SMARCC2: variants seen among roughly 807,000 people sequenced by gnomAD.
SMARCC2 encodes SWI/SNF related BAF chromatin remodeling complex subunit C2, also known as SWI/SNF complex subunit SMARCC2.
SMARCC2 carries 15 observed loss-of-function variants against 151.3 expected under a neutral mutation model. The observed-to-expected ratio is 0.10, with a 90% CI of 0.07 to 0.15. The LOEUF (loss-of-function observed/expected upper bound fraction) is 0.15. SMARCC2 is among the 10% of genes least tolerant of loss of function. The probability of loss-of-function intolerance (pLI) is 1.00; values close to 1 mark genes in which losing one functional copy is unlikely to be tolerated. For synonymous variants in SMARCC2, 590 were observed against 609.5 expected, an observed-to-expected ratio of 0.97 and a Z score of 0.47; for missense variants, 1,031 against 1,599.7, an observed-to-expected ratio of 0.64 and a Z score of 6.06.
Position 56,178,520 on chromosome 12 carries a change from G to A in SMARCC2, c.1194C>T (p.Asn398=), listed in dbSNP as rs774833215. The change falls in exon 14 of 29, where the codon AAC becomes AAT. Residue 398 remains asparagine, a synonymous_variant. Transcript: ENST00000550164. The stretch of plus-strand genomic sequence containing the variant: ...TCTGCTCTCCCTTGTTCCCCGTACT[G>A]TTCTCATCCTCATCCTACGAGTATG... The part of the protein sequence containing the change: ...METTGKDEDE[N]STGNKGEQTK... 1 of 1,614,196 alleles carries A rather than the reference G, an allele frequency of 6.2e-7. No individual in the cohort carries two copies. The highest frequency in any genetic ancestry group is 8.5e-7 in the Non-Finnish European group (1 of 1,180,028).
chr12:56,170,475 G>A (rs961377176), intron 22 of SMARCC2, among the ~76,000 whole-genome samples: 12 of 152,030 alleles, frequency 7.9e-5, no homozygotes, highest in African/African-American at 2.9e-4. Context: ...GCCCAGGCTG[G>A]AGTGCAGTAG....
intron 3 of SMARCC2, 156 bp downstream of exon 3, chr12:56,185,999 G>A: frequency 1.6e-6 from 1 of 636,776 alleles, no homozygotes; most frequent in Non-Finnish European, 2.8e-6. Context: ...TTTTGGCTCT[G>A]ACTCCCAACC....
intron 20 of SMARCC2, 173 bp from the exon 21 acceptor site, chr12:56,172,110 T>A: frequency 1.6e-6 from 1 of 608,426 alleles, no homozygotes; most frequent in Non-Finnish European, 2.8e-6. Flanking sequence ...GATATGAAGT[T>A]AATGAAATGG....
chr12:56,173,571 C>T, intron 17 of SMARCC2, 125 bp downstream of exon 17: 1 of 840,124 alleles, frequency 1.2e-6, no homozygotes. Flanking sequence ...TGACCCTTTG[C>T]ATCCCATGGA....
rs1213401608 is a variant in SMARCC2 at position 56,170,135 on chromosome 12, C to T, written c.2412+9G>A. On this transcript the variant is annotated intron_variant, in intron 23 of 28. Coordinates refer to ENST00000550164, the MANE Select transcript of SMARCC2 (RefSeq NM_001330288.2). ...GCAGCCCCTGCAGCTTCCAGAAATC[C>T]CTCTATACCTTGGGCTCCTTCTTCT... 6.2e-7 allele frequency: 1 copy of T among 1,611,718 alleles called. No homozygotes were observed. The highest frequency in any genetic ancestry group is 2.2e-5 in the East Asian group (1 of 44,872).
At chr12:56,170,252 A>C in intron 22 of SMARCC2, 44 bp from the exon 23 acceptor site, 1 of 1,525,760 alleles carries the variant, frequency 6.6e-7, no homozygotes, top group Non-Finnish European at 9.0e-7. Context: ...TGTTTAATAC[A>C]CAGTCGTCTG....
Position 56,173,785 on chromosome 12 carries a change from T to C in SMARCC2, c.1561A>G (p.Thr521Ala), listed in dbSNP as rs755367877. 5 of 1,613,546 alleles carry C rather than the reference T, an allele frequency of 3.1e-6. No individual in the cohort carries two copies. Among genetic ancestry groups the C allele is most frequent in the Non-Finnish European group, 4.2e-6 (5 of 1,179,878 alleles). The part of the protein sequence containing the change: ...NYQVDAESRP[T>A]PMGPPPTSHF... Reference sequence around the variant, plus strand: ...GAGGTAGGCGGAGGCCCCATTGGGGTTGGTCGACTCTCAGCATCCACCTGG... The same window carrying C: ...GAGGTAGGCGGAGGCCCCATTGGGGCTGGTCGACTCTCAGCATCCACCTGG... The change falls in exon 17 of 29, where the codon ACC (threonine) becomes GCC (alanine). Residue 521 changes from threonine (T) to alanine (A), a missense_variant. By Grantham distance (58) the Thr-to-Ala change is moderately conservative (BLOSUM62 0). Coordinates refer to ENST00000550164, the MANE Select transcript of SMARCC2 (RefSeq NM_001330288.2).
intron 7 of SMARCC2, among the ~76,000 whole-genome samples, chr12:56,182,416 C>T (rs1876405968): frequency 6.6e-6 from 1 of 151,724 alleles, no homozygotes; most frequent in Admixed American, 6.6e-5. Flanking sequence ...CCTCCGCCTC[C>T]CGGGTTCAAG....
chr12:56,165,295 A>G (rs758054188), intron 27 of SMARCC2, 23 bp downstream of exon 27: 49 of 1,469,388 alleles, frequency 3.3e-5, no homozygotes, highest in Non-Finnish European at 4.2e-5. Flanking sequence ...TAGCCAACAA[A>G]AGTTCTGGAA....
chr12:56,189,281 C>T (rs1877914328), intron 1 of SMARCC2, 70 bp downstream of exon 1: 1 of 977,370 alleles, frequency 1.0e-6, no homozygotes, highest in Non-Finnish European at 1.4e-6. Flanking sequence ...AGGCAGGATC[C>T]CGGGGCTGCA....
In SMARCC2 at chr12:56,171,531, C is replaced by A; in HGVS notation, c.2186-99G>T. The stretch of plus-strand genomic sequence containing the variant: ...TCACAAGCCCATGTCTTCATCTAAG[C>A]TAGTATGGAGCCTAGACAGGTGCCT... On this transcript the variant is annotated intron_variant, in intron 21 of 28. Coordinates refer to ENST00000550164, the MANE Select transcript of SMARCC2 (RefSeq NM_001330288.2). This position sits in a 1 kb window ranked among gnomAD's most constrained non-coding sequence, Gnocchi z 4.2. 1.3e-6 allele frequency: 2 copies of A among 1,549,472 alleles called. No individual in the cohort carries two copies. The highest frequency in any genetic ancestry group is 1.8e-6 in the Non-Finnish European group (2 of 1,132,722).
chr12:56,187,042 T>G (rs751144852), intron 2 of SMARCC2, 145 bp downstream of exon 2: 2 of 711,686 alleles, frequency 2.8e-6, no homozygotes, highest in Non-Finnish European at 4.5e-6. Context: ...AAGCCAATAA[T>G]GCCCTGATCA....
At chr12:56,168,351 G>GCCC (rs1873232949) in intron 25 of SMARCC2, among the ~76,000 whole-genome samples, 157 bp from the exon 26 acceptor site, 1 of 151,990 alleles carries the variant, frequency 6.6e-6, no homozygotes, top group African/African-American at 2.4e-5. Flanking sequence ...GGGATTATAG[G>GCCC]CGTGAGCCAC....
intron 1 of SMARCC2, among the ~76,000 whole-genome samples, chr12:56,187,507 G>T (rs1261293788): frequency 6.6e-6 from 1 of 152,164 alleles, no homozygotes; most frequent in African/African-American, 2.4e-5. Flanking sequence ...GCTGCCACCA[G>T]CCCAGGTGGC....
intron 1 of SMARCC2, among the ~76,000 whole-genome samples, chr12:56,188,772 T>C (rs1458057897): frequency 6.6e-6 from 1 of 152,150 alleles, no homozygotes; most frequent in Non-Finnish European, 1.5e-5. Flanking sequence ...TGAGAGATTC[T>C]GTTGCCCCTT....
intron 7 of SMARCC2, 50 bp downstream of exon 7, chr12:56,183,811 T>A (rs1460991600): frequency 7.6e-7 from 1 of 1,313,036 alleles, no homozygotes; most frequent in African/African-American, 1.5e-5. Context: ...GTCCTAGGGC[T>A]TCTGGGTCTG....
At position 56,174,639 on chromosome 12, in the gene SMARCC2, C is replaced by T; in HGVS notation, c.1496+12G>A. 1 of 1,590,278 alleles carries T rather than the reference C, an allele frequency of 6.3e-7. No individual in the cohort carries two copies. Among genetic ancestry groups the T allele is most frequent in the Non-Finnish European group, 8.6e-7 (1 of 1,158,990 alleles). ...CCTCATGTACCCCCTTCCCCTCAGC[C>T]ACAAGACCCACCTCATGATGGCACA... On this transcript the variant is annotated intron_variant, in intron 16 of 28. Coordinates refer to ENST00000550164, the MANE Select transcript of SMARCC2 (RefSeq NM_001330288.2).
chr12:56,174,885 A>T (rs945873192), intron 15 of SMARCC2, 121 bp from the exon 16 acceptor site: 2 of 664,528 alleles, frequency 3.0e-6, no homozygotes, highest in African/African-American at 3.6e-5. Context: ...AAAAAAGTAG[A>T]TTATTTGACT....
In SMARCC2 at chr12:56,172,686, G is replaced by T. The variant is rs768124448; in HGVS notation, c.1762C>A (p.Gln588Lys). Residue 588 changes from glutamine to lysine, a missense_variant, in exon 19 of 29, where the codon CAA becomes AAA. By Grantham distance (53) the Gln-to-Lys change is moderately conservative (BLOSUM62 1). This residue lies in a region of SMARCC2 where 99 missense variants were observed against 148.3 expected (regional missense o/e 0.67). Coordinates refer to ENST00000550164, the MANE Select transcript of SMARCC2 (RefSeq NM_001330288.2). ...KPELQTSASQ[Q>K]MLNFPDKGKE... ...CCTTTGTCAGGAAAGTTGAGCATTTGTTGGGAAGCAGAGGTCTGCTATTTG... is the reference window on the plus strand; with the variant it reads ...CCTTTGTCAGGAAAGTTGAGCATTTTTTGGGAAGCAGAGGTCTGCTATTTG... 1.1e-5 allele frequency: 17 copies of T among 1,614,218 alleles called. No individual in the cohort carries two copies. Among genetic ancestry groups the T allele is most frequent in the Admixed American group, 1.7e-5 (1 of 60,030 alleles).
Sources: gnomAD v4.1 joint callset for allele counts (sites outside exome capture counted in the v4.1 genomes callset) on GRCh38, gnomAD v4.1.1 for gene constraint, gnomAD v4.1.1 regional missense constraint, Gnocchi (gnomAD v3.1) non-coding constraint, MANE v1.5 for transcripts, NCBI Gene and HGNC (gene_info 2026-07-23, HGNC 2026-07-21) for gene names.